The following COL5A2 variants were observed in gnomAD, a reference collection of about 807,000 sequenced individuals.
COL5A2 encodes the protein collagen alpha-2(V) chain.
A neutral mutation model predicts 208.2 loss-of-function variants in COL5A2; 23 were observed. That is an observed-to-expected ratio of 0.11 (90% confidence interval 0.08 to 0.16). The LOEUF is 0.16. Ranked by LOEUF, COL5A2 falls within the 10% of genes least tolerant of loss-of-function variation. COL5A2 has a pLI of 1.00. For synonymous variants in COL5A2, 625 were observed against 628.5 expected (o/e 0.99, Z 0.08); for missense variants, 1,590 against 1,956.4 (o/e 0.81, Z 3.53).
the COL5A2 span, among the ~76,000 whole-genome samples, chr2:189,406,945 C>T: frequency 1.3e-5 from 2 of 151,932 alleles, no homozygotes; most frequent in African/African-American, 2.4e-5. Context: ...AAAAAGAAAC[C>T]TAATTGGCTT....
chr2:189,060,642 A>C, intron 31 of COL5A2, 88 bp downstream of exon 31: 1 of 1,109,156 alleles, frequency 9.0e-7, no homozygotes, highest in Non-Finnish European at 1.4e-6. Flanking sequence ...ATGTATGTAA[A>C]GGAAAGCACA....
At chr2:189,142,898 C>T (rs1687960904) in intron 1 of COL5A2, among the ~76,000 whole-genome samples, 1 of 151,980 alleles carries the variant, frequency 6.6e-6, no homozygotes, top group Non-Finnish European at 1.5e-5. Flanking sequence ...GCTTTTTGAC[C>T]TACTTGACTA....
chr2:189,265,395 C>T, the COL5A2 span, among the ~76,000 whole-genome samples: 1 of 152,128 alleles, frequency 6.6e-6, no homozygotes, highest in Non-Finnish European at 1.5e-5. Flanking sequence ...TAGCTTGCCA[C>T]CAACCCTTTG....
chr2:189,300,214 C>A, the COL5A2 span, among the ~76,000 whole-genome samples: 2 of 152,106 alleles, frequency 1.3e-5, no homozygotes, highest in Non-Finnish European at 2.9e-5. Context: ...TACAAATTAT[C>A]TTTTTTCCCT....
Position 189,039,331 on chromosome 2 carries a change from T to C in COL5A2, c.3866A>G (p.Lys1289Arg). Residue 1289 changes from lysine to arginine, a missense_variant, in exon 51 of 54, where the codon AAA (lysine) becomes AGA (arginine). Lys to Arg is a conservative substitution (Grantham distance 26). Transcript: ENST00000374866. ...ATCACACGTGCGGGCTGGGTGCTTT[T>C]TCGAGCCATCGGGGCTGCGCATGGT... ...IETMRSPDGS[K>R]KHPARTCDDL... The C allele has an allele frequency of 6.2e-7, 1 of 1,614,126 alleles. No homozygotes were observed. The highest frequency in any genetic ancestry group is 2.2e-5 in the East Asian group (1 of 44,854).
At chr2:189,219,399 A>G (rs377096001) in intron 1 of COL5A2, among the ~76,000 whole-genome samples, 2 of 152,150 alleles carry the variant, frequency 1.3e-5, no homozygotes, top group East Asian at 3.9e-4. Flanking sequence ...TTTTCATTCT[A>G]AATAAATATT....
chr2:189,187,694 G>A (rs911888988), intron 1 of COL5A2, among the ~76,000 whole-genome samples: 11 of 152,150 alleles, frequency 7.2e-5, no homozygotes, highest in Non-Finnish European at 1.0e-4. Context: ...CTATTGGCCG[G>A]GCGCGGTGGC....
the COL5A2 span, among the ~76,000 whole-genome samples, chr2:189,344,320 T>C: frequency 6.6e-6 from 1 of 152,066 alleles, no homozygotes; most frequent in African/African-American, 2.4e-5. Context: ...CTTCCCAGAC[T>C]TCAAAAAACT....
the COL5A2 span, among the ~76,000 whole-genome samples, chr2:189,402,304 G>C: frequency 6.6e-6 from 1 of 151,948 alleles, no homozygotes; most frequent in African/African-American, 2.4e-5. Context: ...TGCAACCTCC[G>C]ACTCCCTGGT....
chr2:189,236,355 T>G, the COL5A2 span, among the ~76,000 whole-genome samples: 56 of 151,908 alleles, frequency 3.7e-4, 2 homozygotes, highest in Middle Eastern at 3.4e-3. Context: ...TGCACATGCC[T>G]GTTGGACAAT....
the COL5A2 span, among the ~76,000 whole-genome samples, chr2:189,317,597 A>C: frequency 6.6e-6 from 1 of 152,212 alleles, no homozygotes; most frequent in Non-Finnish European, 1.5e-5. Flanking sequence ...TTATTTCTAC[A>C]TATTACCAAA....
chr2:189,100,981 T>C (rs1305623949), intron 3 of COL5A2, among the ~76,000 whole-genome samples: 1 of 152,066 alleles, frequency 6.6e-6, no homozygotes, highest in East Asian at 1.9e-4. Context: ...TACTTAATCA[T>C]TTACTAATTT....
chr2:189,265,467 GTTCTGTATTCAAATTT>G, the COL5A2 span, among the ~76,000 whole-genome samples: 1 of 152,048 alleles, frequency 6.6e-6, no homozygotes, highest in Non-Finnish European at 1.5e-5. Context: ...CTCCATGTGT[GTTCTGTATTCAAATTT>G]TTCTTTTCTT....
the COL5A2 span, among the ~76,000 whole-genome samples, chr2:189,310,947 G>A: frequency 2.6e-5 from 4 of 152,038 alleles, no homozygotes; most frequent in Admixed American, 2.6e-4. Flanking sequence ...TGGGGAGCAG[G>A]GGGAGGTGGG....
intron 12 of COL5A2, among the ~76,000 whole-genome samples, chr2:189,081,666 T>C (rs1188004775): frequency 6.6e-6 from 1 of 152,098 alleles, no homozygotes; most frequent in Non-Finnish European, 1.5e-5. Flanking sequence ...AAACAAAATA[T>C]CCAACAGAAA....
chr2:189,053,058 T>G lies in COL5A2; in HGVS notation c.2554-40A>C, dbSNP rs1317776203. On this transcript the variant is annotated intron_variant, in intron 38 of 53. Transcript: ENST00000374866. ...ACAAACAAGCAATTGATTATAAGAC[T>G]TATAGACAAATTACTTTAGAGTAAT... 13 of 1,470,392 alleles carry G rather than the reference T, an allele frequency of 8.8e-6. No homozygotes were observed. The Admixed American group carries it at 2.2e-4, about 25-fold the overall frequency. 91.1% of individuals were successfully genotyped at this position (1,470,392 alleles called of 1,614,324 possible).
At chr2:189,116,637 T>C (rs1330692934) in intron 1 of COL5A2, among the ~76,000 whole-genome samples, 5 of 152,184 alleles carry the variant, frequency 3.3e-5, no homozygotes, top group Admixed American at 1.3e-4. Flanking sequence ...ACATCTTCTG[T>C]TCTTCAATCC....
chr2:189,067,388 C>A (rs945879782), intron 21 of COL5A2, among the ~76,000 whole-genome samples: 3 of 152,012 alleles, frequency 2.0e-5, no homozygotes, highest in Non-Finnish European at 2.9e-5. Flanking sequence ...CTGTCACCAG[C>A]ACTTTAAGAG....
chr2:189,158,993 A>G (rs1688307870), intron 1 of COL5A2, among the ~76,000 whole-genome samples: 1 of 152,210 alleles, frequency 6.6e-6, no homozygotes, highest in Non-Finnish European at 1.5e-5. Context: ...GAAGTCACAC[A>G]AATATTTATA....
Sources: gnomAD v4.1 joint callset for allele counts (sites outside exome capture counted in the v4.1 genomes callset) on GRCh38, gnomAD v4.1.1 for gene constraint, MANE v1.5 for transcripts, NCBI Gene and HGNC (gene_info 2026-07-23, HGNC 2026-07-21) for gene names.